DENND6A: variants seen among roughly 807,000 people sequenced by gnomAD.
DENND6A encodes DENN domain containing 6A.
In DENND6A, 43 loss-of-function variants were observed where a neutral mutation model predicts 95.5. That is an observed-to-expected ratio of 0.45 (90% CI 0.35 to 0.58). The LOEUF (loss-of-function observed/expected upper bound fraction) is 0.58. Ranked by LOEUF, DENND6A falls within the 20% of genes least tolerant of loss-of-function variation. DENND6A has a pLI of 0.00. For missense variants in DENND6A, 574 were observed against 736.0 expected (o/e 0.78, Z 2.55); for synonymous variants, 257 against 260.4 (o/e 0.99, Z 0.13).
In DENND6A at chr3:57,646,501, A is replaced by G. The variant is rs931377418; in HGVS notation, c.819-63T>C. On this transcript the variant is annotated intron_variant, in intron 9 of 19. Transcript: ENST00000311128. ...AGCCAATCCTGTTTTTAAAATTCCT[A>G]CATAATCTTTCTAAAAACTCCACAT... The G allele has an allele frequency of 4.6e-6, 7 of 1,523,286 alleles. No homozygotes were observed. The African/African-American group carries it at 8.4e-5, about 18-fold the overall frequency. 94.4% of individuals were successfully genotyped at this position (1,523,286 alleles called of 1,614,324 possible).
intron 9 of DENND6A, among the ~76,000 whole-genome samples, chr3:57,653,461 G>C (rs1424037963): frequency 2.0e-5 from 3 of 152,068 alleles, no homozygotes; most frequent in East Asian, 3.9e-4. Flanking sequence ...AATATTAGTA[G>C]TAGGCCGGGC....
At chr3:57,671,173 A>C (rs542542753) in intron 3 of DENND6A, among the ~76,000 whole-genome samples, 14 of 152,338 alleles carry the variant, frequency 9.2e-5, no homozygotes, top group Admixed American at 1.3e-4. Context: ...TGCTAAAAAA[A>C]ATTTTGTTTA....
intron 3 of DENND6A, among the ~76,000 whole-genome samples, chr3:57,671,243 G>A (rs550935317): frequency 2.0e-5 from 3 of 152,248 alleles, no homozygotes; most frequent in Non-Finnish European, 2.9e-5. Flanking sequence ...AGAAGTAACC[G>A]GCCGGGTGTG....
chr3:57,691,858 T>C (rs578188748), intron 1 of DENND6A, among the ~76,000 whole-genome samples: 2 of 152,154 alleles, frequency 1.3e-5, no homozygotes, highest in Non-Finnish European at 2.9e-5. Flanking sequence ...AGTTGACTGA[T>C]TGACAAGCAA....
intron 9 of DENND6A, among the ~76,000 whole-genome samples, chr3:57,649,165 A>G (rs1391875509): frequency 7.9e-5 from 12 of 152,194 alleles, no homozygotes; most frequent in African/African-American, 2.7e-4. Flanking sequence ...GCAAGAACAA[A>G]ATAAACAATC....
chr3:57,653,917 CT>C (rs1477974246), intron 9 of DENND6A, among the ~76,000 whole-genome samples: 1 of 144,178 alleles, frequency 6.9e-6, no homozygotes. Flanking sequence ...ACAGCCATGC[CT>C]TGGGAAAATA....
At chr3:57,643,232 A>C (rs1330166477) in intron 11 of DENND6A, among the ~76,000 whole-genome samples, 1 of 152,180 alleles carries the variant, frequency 6.6e-6, no homozygotes, top group East Asian at 1.9e-4. Context: ...ACAAAGGAGA[A>C]ATTTATGACA....
intron 9 of DENND6A, among the ~76,000 whole-genome samples, chr3:57,650,504 T>C (rs963491859): frequency 6.6e-6 from 1 of 152,044 alleles, no homozygotes; most frequent in Non-Finnish European, 1.5e-5. Context: ...AAAGCAATGA[T>C]ATCTCAATAT....
chr3:57,654,281 G>C (rs1010039254), intron 9 of DENND6A, among the ~76,000 whole-genome samples: 10 of 152,026 alleles, frequency 6.6e-5, no homozygotes, highest in Non-Finnish European at 1.3e-4. Context: ...GAATTAAACA[G>C]TGGTTTCAAC....
intron 15 of DENND6A, among the ~76,000 whole-genome samples, chr3:57,632,044 G>A (rs569250510): frequency 0.014 from 1,665 of 121,140 alleles, 40 homozygotes; most frequent in African/African-American, 0.049. Context: ...TTTTTGAGAC[G>A]GAGTCTCACT....
chr3:57,680,536 C>G (rs892050529), intron 1 of DENND6A, among the ~76,000 whole-genome samples: 1 of 152,190 alleles, frequency 6.6e-6, no homozygotes, highest in African/African-American at 2.4e-5. Context: ...CAGCCAGTAC[C>G]TTGATCTTGG....
At chr3:57,632,113 G>A (rs538342634) in intron 15 of DENND6A, among the ~76,000 whole-genome samples, 116 of 146,056 alleles carry the variant, frequency 7.9e-4, no homozygotes, top group African/African-American at 2.7e-3. Context: ...TCCGCCTCCC[G>A]GGTTCAAGTG....
intron 1 of DENND6A, among the ~76,000 whole-genome samples, chr3:57,692,229 C>CAAAAAAAAAAAAAAAAAAAACA (rs2077273565): frequency 1.4e-5 from 1 of 72,872 alleles, no homozygotes; most frequent in African/African-American, 5.3e-5. Flanking sequence ...AACTCCGTCT[C>CAAAAAAAAAAAAAAAAAAAACA]AAAAAAAAAA....
At chr3:57,628,462 C>T (rs2070583080) in intron 19 of DENND6A, 117 bp from the exon 20 acceptor site, 1 of 1,339,502 alleles carries the variant, frequency 7.5e-7, no homozygotes, top group African/African-American at 1.5e-5. Flanking sequence ...AGTCTTAGAC[C>T]AGAAATTACA....
chr3:57,677,130 T>C (rs1008558193), intron 1 of DENND6A, among the ~76,000 whole-genome samples: 1 of 152,092 alleles, frequency 6.6e-6, no homozygotes, highest in Admixed American at 6.6e-5. Flanking sequence ...AGCCTCAAAC[T>C]GTTATTTTTT....
intron 1 of DENND6A, among the ~76,000 whole-genome samples, chr3:57,688,186 G>A (rs1175576119): frequency 6.6e-6 from 1 of 151,750 alleles, no homozygotes; most frequent in African/African-American, 2.4e-5. Context: ...ATTAGAGATG[G>A]GGTTTTACCA....
chr3:57,634,005 G>T (rs2070740863), intron 14 of DENND6A, among the ~76,000 whole-genome samples: 1 of 151,864 alleles, frequency 6.6e-6, no homozygotes, highest in Non-Finnish European at 1.5e-5. Context: ...TGCTATCATG[G>T]TAGAATCTAT....
At chr3:57,681,247 C>T (rs541319275) in intron 1 of DENND6A, among the ~76,000 whole-genome samples, 3 of 152,020 alleles carry the variant, frequency 2.0e-5, no homozygotes, top group South Asian at 4.2e-4. Context: ...AGGCAGATCA[C>T]GAGGTCAGGA....
chr3:57,663,552 TTAAAGAC>T (rs2071470845), intron 5 of DENND6A, 77 bp downstream of exon 5: 3 of 895,542 alleles, frequency 3.3e-6, no homozygotes, highest in Middle Eastern at 3.8e-4. Context: ...ACCAAAGACT[TTAAAGAC>T]TCTTAAATCT....
Sources: allele counts gnomAD v4.1 joint callset (sites outside exome capture counted in the v4.1 genomes callset), GRCh38; gene constraint gnomAD v4.1.1; transcripts MANE v1.5; gene names NCBI Gene and HGNC (gene_info 2026-07-23, HGNC 2026-07-21).